ADGRL2: variants seen among roughly 807,000 people sequenced by gnomAD.
The protein encoded by ADGRL2 is calcium-independent alpha-latrotoxin receptor 2.
A neutral mutation model predicts 157.4 loss-of-function variants in ADGRL2; 44 were observed. The ratio of observed to expected loss-of-function variants is 0.28; its 90% CI spans 0.22 to 0.36. ADGRL2 has a LOEUF of 0.36. Ranked by LOEUF, ADGRL2 falls within the 10% of genes least tolerant of loss-of-function variation. The pLI, the probability that ADGRL2 is intolerant of heterozygous loss-of-function variation, is 1.00. For missense variants in ADGRL2, 1,510 were observed against 1,768.9 expected, an observed-to-expected ratio of 0.85 and a Z score of 2.63; for synonymous variants, 585 against 624.7, an observed-to-expected ratio of 0.94 and a Z score of 0.95.
chr1:81,885,074 AATTT>A (rs2094094288), intron 2 of ADGRL2, among the ~76,000 whole-genome samples: 1 of 152,188 alleles, frequency 6.6e-6, no homozygotes, highest in African/African-American at 2.4e-5. Context: ...TAAAATTGCC[AATTT>A]ATTTATTGAT....
chr1:81,398,053 T>C (rs1490593805), intron 1 of ADGRL2, among the ~76,000 whole-genome samples: 2 of 152,190 alleles, frequency 1.3e-5, no homozygotes, highest in African/African-American at 4.8e-5. Flanking sequence ...TGGATCCCTT[T>C]ATATAATGAC....
intron 1 of ADGRL2, among the ~76,000 whole-genome samples, chr1:81,816,689 T>C (rs1320879168): frequency 6.6e-6 from 1 of 151,960 alleles, no homozygotes; most frequent in Non-Finnish European, 1.5e-5. Flanking sequence ...TAAAAAGATG[T>C]TTACAGTACT....
intron 2 of ADGRL2, chr1:81,557,507 A>AAGAAAG (rs1475894981): frequency 9.4e-4 from 94 of 100,272 alleles, no homozygotes; most frequent in African/African-American, 3.7e-3. Flanking sequence ...GAAAGAAAGA[A>AAGAAAG]AGAAAGAAAG....
intron 1 of ADGRL2, among the ~76,000 whole-genome samples, chr1:81,441,877 C>T (rs551997679): frequency 6.6e-4 from 100 of 152,030 alleles, no homozygotes; most frequent in Admixed American, 1.2e-3. Flanking sequence ...TCTCACTGTG[C>T]TGCCCAGGCT....
At chr1:81,678,832 A>G (rs2148945668) in intron 3 of ADGRL2, among the ~76,000 whole-genome samples, 1 of 152,266 alleles carries the variant, frequency 6.6e-6, no homozygotes. Flanking sequence ...AAAGCCAAAC[A>G]TCCTGGTGTG....
chr1:81,678,196 T>A (rs776529738), intron 3 of ADGRL2, among the ~76,000 whole-genome samples: 1 of 152,196 alleles, frequency 6.6e-6, no homozygotes, highest in Non-Finnish European at 1.5e-5. Context: ...TCTACTCTGA[T>A]CTCTGAGCTC....
At chr1:81,772,249 C>CAA (rs769058340) in intron 2 of ADGRL2, among the ~76,000 whole-genome samples, 1,166 of 95,076 alleles carry the variant, frequency 0.012, 23 homozygotes, top group African/African-American at 0.043. Flanking sequence ...GACTCTATCT[C>CAA]AAAAAAAAAA....
At chr1:81,612,829 C>T (rs958317173) in intron 3 of ADGRL2, among the ~76,000 whole-genome samples, 2 of 152,160 alleles carry the variant, frequency 1.3e-5, no homozygotes, top group Admixed American at 6.5e-5. Flanking sequence ...CGATGCTACT[C>T]ATCAGACAAA....
Position 81,582,583 on chromosome 1 carries a change from G to T in ADGRL2, c.-143+1603G>T, listed in dbSNP as rs1022755629. Among the ~76,000 whole-genome samples the T allele has an allele frequency of 3.3e-5, 5 of 151,692 alleles. No individual in the cohort carries two copies. In the South Asian group the frequency reaches 8.3e-4, roughly 25 times the overall value. The stretch of plus-strand genomic sequence containing the variant: ...AAGTGCTGAGAAATAATCATTTAAA[G>T]GTCAATTGCACTCAAAAAAAAAAAG... On this transcript the variant is annotated intron_variant, in intron 3 of 24. Coordinates refer to the ADGRL2 transcript ENST00000370721.
chr1:81,405,307 A>G (rs2076833285), intron 1 of ADGRL2, among the ~76,000 whole-genome samples: 2 of 152,188 alleles, frequency 1.3e-5, no homozygotes, highest in Admixed American at 1.3e-4. Context: ...ATGATTCCGT[A>G]TTAATTTAGA....
intron 2 of ADGRL2, among the ~76,000 whole-genome samples, chr1:81,852,705 C>A (rs540502241): frequency 6.6e-6 from 1 of 151,822 alleles, no homozygotes; most frequent in African/African-American, 2.4e-5. Context: ...CTGTGTGTCT[C>A]GCTGGCTTAT....
At chr1:81,793,370 G>A (rs1247938220) in intron 2 of ADGRL2, among the ~76,000 whole-genome samples, 2 of 152,088 alleles carry the variant, frequency 1.3e-5, no homozygotes, top group Non-Finnish European at 1.5e-5. Context: ...AACCAGATCA[G>A]GTTATTGTAA....
At chr1:81,509,019 T>C (rs748323098) in intron 2 of ADGRL2, among the ~76,000 whole-genome samples, 23 of 152,226 alleles carry the variant, frequency 1.5e-4, no homozygotes, top group Admixed American at 5.9e-4. Flanking sequence ...ATAGCTCATC[T>C]TTCCCTCTTC....
intron 2 of ADGRL2, among the ~76,000 whole-genome samples, chr1:81,578,760 G>A (rs2080846722): frequency 6.6e-6 from 1 of 152,090 alleles, no homozygotes; most frequent in African/African-American, 2.4e-5. Flanking sequence ...CAGCACCTGA[G>A]TCTATAAACA....
chr1:81,947,322 G>A (rs1468833853), intron 6 of ADGRL2, among the ~76,000 whole-genome samples: 1 of 152,058 alleles, frequency 6.6e-6, no homozygotes, highest in Non-Finnish European at 1.5e-5. Context: ...TATTCTTTTA[G>A]AGATTTACAC....
rs899573647 is a variant in ADGRL2, at chr1:81,467,145, C to G, written c.-248+22056C>G. Reference sequence around the variant, plus strand: ...CCTCATCCCCTTCTGTGACCTGAGGCTACGATACTTTATGGCCCTTGCTGT... The same window carrying G: ...CCTCATCCCCTTCTGTGACCTGAGGGTACGATACTTTATGGCCCTTGCTGT... On this transcript the variant is annotated intron_variant, in intron 2 of 24. Coordinates refer to the ADGRL2 transcript ENST00000370721. Among the ~76,000 whole-genome samples the G allele has an allele frequency of 2.0e-5, 3 of 152,028 alleles. 1 individual carries two copies. Among genetic ancestry groups the G allele is most frequent in the Non-Finnish European group, 4.4e-5 (3 of 68,010 alleles).
At chr1:81,443,192 G>A (rs1248636231) in intron 1 of ADGRL2, among the ~76,000 whole-genome samples, 3 of 152,138 alleles carry the variant, frequency 2.0e-5, no homozygotes, top group Non-Finnish European at 4.4e-5. Context: ...AGGCCAATGT[G>A]GGTGGATCAC....
rs527942577 is a variant in ADGRL2 at position 81,377,702 on chromosome 1, T to G, written c.-301-67334T>G. ...TGATTGGATGATTTGTGAGAATGTA[T>G]TTAATTGCTGGAGAATTATTCTTCA... On this transcript the variant is annotated intron_variant, in intron 1 of 24. Coordinates refer to the ADGRL2 transcript ENST00000370721. 5.7e-4 allele frequency among the ~76,000 whole-genome samples: 87 copies of G among 152,314 alleles called. No individual in the cohort carries two copies. The South Asian group carries it at 0.017, about 30-fold the overall frequency.
chr1:81,427,357 CGGACCA>C (rs1267576151), intron 1 of ADGRL2: 99 of 728,666 alleles, frequency 1.4e-4, no homozygotes, highest in Non-Finnish European at 4.0e-5. Context: ...ATGGTGGTGG[CGGACCA>C]GGATATGGAA....
Sources: allele counts gnomAD v4.1 joint callset (sites outside exome capture counted in the v4.1 genomes callset), GRCh38; gene constraint gnomAD v4.1.1; transcripts MANE v1.5; gene names NCBI Gene and HGNC (gene_info 2026-07-23, HGNC 2026-07-21).